KIFAP3: variants seen among roughly 807,000 people sequenced by gnomAD.
KIFAP3 encodes kinesin associated protein 3.
In KIFAP3, 68 loss-of-function variants were observed where a neutral mutation model predicts 106.5. That is an observed-to-expected ratio of 0.64 (90% CI 0.53 to 0.78). The LOEUF (loss-of-function observed/expected upper bound fraction) is 0.78. Among genes scored for constraint, KIFAP3 ranks in the 30% least tolerant of loss-of-function variants. The pLI, the probability that KIFAP3 is intolerant of heterozygous loss-of-function variation, is 0.00. For synonymous variants in KIFAP3, 320 were observed against 311.5 expected (o/e 1.03, Z -0.29); for missense variants, 780 against 941.8 (o/e 0.83, Z 2.25).
At chr1:169,952,026 G>A (rs1664755901) in intron 19 of KIFAP3, among the ~76,000 whole-genome samples, 6 of 151,862 alleles carry the variant, frequency 4.0e-5, no homozygotes, top group African/African-American at 1.4e-4. Flanking sequence ...TGATTAAACA[G>A]AGCCTCTATT....
rs374824101 is a variant in KIFAP3, at chr1:170,057,626, A to C, written c.33-2190T>G. 2.3e-3 allele frequency among the ~76,000 whole-genome samples: 356 copies of C among 151,812 alleles called. 2 individuals are homozygous for C. Among genetic ancestry groups the C allele is most frequent in the African/African-American group, 8.2e-3 (340 of 41,440 alleles). Reference sequence around the variant, plus strand: ...TTTTTAACAGAAGAGGCTTAAGGGTAGTATTCTAGCAGGGGTGAAACTATC... The same window carrying C: ...TTTTTAACAGAAGAGGCTTAAGGGTCGTATTCTAGCAGGGGTGAAACTATC... On this transcript the variant is annotated intron_variant, in intron 1 of 19. Coordinates refer to ENST00000361580, the MANE Select transcript of KIFAP3 (RefSeq NM_014970.4).
At chr1:169,967,436 C>A (rs1665686013) in intron 17 of KIFAP3, among the ~76,000 whole-genome samples, 1 of 151,666 alleles carries the variant, frequency 6.6e-6, no homozygotes, top group Non-Finnish European at 1.5e-5. Flanking sequence ...AGTTTAGTAG[C>A]CATGGCAAAG....
chr1:170,079,135 G>A (rs1402515725), upstream of KIFAP3, among the ~76,000 whole-genome samples: 3 of 152,198 alleles, frequency 2.0e-5, no homozygotes, highest in African/African-American at 7.2e-5. Context: ...CCTCATGGAT[G>A]ACTTTATACT....
At chr1:170,045,082 G>A (rs1670174818) in intron 3 of KIFAP3, among the ~76,000 whole-genome samples, 1 of 152,116 alleles carries the variant, frequency 6.6e-6, no homozygotes, top group African/African-American at 2.4e-5. Flanking sequence ...GACACAATTG[G>A]AGATGCTAGC....
intron 8 of KIFAP3, among the ~76,000 whole-genome samples, chr1:170,025,012 A>C (rs990013035): frequency 6.6e-6 from 1 of 152,154 alleles, no homozygotes; most frequent in Admixed American, 6.5e-5. Context: ...AACTTTAATA[A>C]CTAAAGTCTG....
chr1:170,059,571 G>A (rs1292248141), intron 1 of KIFAP3, among the ~76,000 whole-genome samples: 3 of 151,986 alleles, frequency 2.0e-5, no homozygotes, highest in African/African-American at 7.2e-5. Flanking sequence ...ATTCACAGCC[G>A]AATTCTACCA....
chr1:170,056,133 C>A (rs1328037910), intron 1 of KIFAP3, among the ~76,000 whole-genome samples: 4 of 151,774 alleles, frequency 2.6e-5, no homozygotes, highest in Non-Finnish European at 1.5e-5. Context: ...ATCAACCTGC[C>A]CGTTAATTAC....
At position 169,996,622 on chromosome 1, in the gene KIFAP3, T is replaced by C. The variant is rs184996610; in HGVS notation, c.1184-4367A>G. Among the ~76,000 whole-genome samples, 354 of 152,296 alleles carry C rather than the reference T, an allele frequency of 2.3e-3. 2 individuals are homozygous for C. The highest frequency in any genetic ancestry group is 8.2e-3 in the African/African-American group (343 of 41,582). ...TCTGGGATTCAAACCTAGGTCTGAC[T>C]ATAAAGCTCATGCATGTACTTTTAA... On this transcript the variant is annotated intron_variant, in intron 10 of 19. Coordinates refer to ENST00000361580, the MANE Select transcript of KIFAP3 (RefSeq NM_014970.4).
intron 3 of KIFAP3, among the ~76,000 whole-genome samples, chr1:170,046,402 T>C (rs1670258923): frequency 6.6e-6 from 1 of 152,092 alleles, no homozygotes; most frequent in African/African-American, 2.4e-5. Context: ...TGCCCCAAAG[T>C]CTCTCCTTTG....
chr1:169,932,389 C>T (rs1349467896), intron 19 of KIFAP3, among the ~76,000 whole-genome samples: 6 of 152,016 alleles, frequency 3.9e-5, no homozygotes, highest in African/African-American at 1.4e-4. Context: ...AAAACTCTGG[C>T]TAAACTGGTT....
chr1:169,930,921 T>C (rs1221657279), intron 19 of KIFAP3, among the ~76,000 whole-genome samples: 3 of 141,546 alleles, frequency 2.1e-5, no homozygotes, highest in Non-Finnish European at 3.1e-5. Context: ...CTTCTTTTTT[T>C]TTTTTTTTTT....
At chr1:169,971,965 T>G (rs1384487526) in intron 17 of KIFAP3, among the ~76,000 whole-genome samples, 2 of 152,004 alleles carry the variant, frequency 1.3e-5, no homozygotes, top group Admixed American at 6.6e-5. Flanking sequence ...GGTTCACAGT[T>G]TCTAACTCAA....
At chr1:169,961,537 C>T (rs995477882) in intron 17 of KIFAP3, among the ~76,000 whole-genome samples, 2 of 152,112 alleles carry the variant, frequency 1.3e-5, no homozygotes, top group Non-Finnish European at 2.9e-5. Context: ...AGTAAGACTT[C>T]AGTTTCCAAA....
At chr1:169,948,444 C>T (rs1347519510) in intron 19 of KIFAP3, among the ~76,000 whole-genome samples, 2 of 151,826 alleles carry the variant, frequency 1.3e-5, no homozygotes, top group Admixed American at 6.6e-5. Context: ...AGTAATAACA[C>T]ACTAAATGAA....
At chr1:170,014,138 C>T (rs1290546465) in intron 10 of KIFAP3, among the ~76,000 whole-genome samples, 1 of 152,174 alleles carries the variant, frequency 6.6e-6, no homozygotes, top group African/African-American at 2.4e-5. Context: ...CTACTGATCT[C>T]ATCTTCAGAC....
At chr1:170,065,541 G>A (rs1041073477) in intron 1 of KIFAP3, among the ~76,000 whole-genome samples, 17 of 149,976 alleles carry the variant, frequency 1.1e-4, no homozygotes, top group Admixed American at 4.0e-4. Context: ...GTGAACCCGG[G>A]AGGCGGAGCT....
At chr1:169,932,466 C>G (rs1571513236) in intron 19 of KIFAP3, among the ~76,000 whole-genome samples, 1 of 151,962 alleles carries the variant, frequency 6.6e-6, no homozygotes, top group East Asian at 1.9e-4. Context: ...AGTGATAATG[C>G]ACTATTGAAA....
intron 8 of KIFAP3, among the ~76,000 whole-genome samples, chr1:170,025,608 C>T (rs1019254920): frequency 6.6e-6 from 1 of 152,022 alleles, no homozygotes; most frequent in Non-Finnish European, 1.5e-5. Context: ...TGTTTAAATT[C>T]TAAAACAGTT....
chr1:169,943,014 T>A (rs1160551750), intron 19 of KIFAP3, among the ~76,000 whole-genome samples: 1 of 147,636 alleles, frequency 6.8e-6, no homozygotes, highest in African/African-American at 2.5e-5. Context: ...AGGTCTTCAT[T>A]TGCAGATTCC....
Sources: allele counts gnomAD v4.1 joint callset (sites outside exome capture counted in the v4.1 genomes callset), GRCh38; gene constraint gnomAD v4.1.1; transcripts MANE v1.5; gene names NCBI Gene and HGNC (gene_info 2026-07-23, HGNC 2026-07-21).